The following ZNF25 variants were observed in gnomAD, a reference collection of about 807,000 sequenced individuals.
ZNF25 encodes zinc finger protein 25 (KOX 19).
Under a neutral mutation model 30.9 loss-of-function variants are expected in ZNF25, and 21 were observed. The observed-to-expected ratio is 0.68, with a 90% CI of 0.48 to 0.98. ZNF25 has a LOEUF of 0.98. Among genes scored for constraint, ZNF25 ranks in the 50% least tolerant of loss-of-function variants. ZNF25 has a pLI of 0.00. For missense variants in ZNF25, 501 were observed against 529.9 expected, an observed-to-expected ratio of 0.95 and a Z score of 0.54; for synonymous variants, 169 against 181.3, an observed-to-expected ratio of 0.93 and a Z score of 0.55.
In ZNF25 at chr10:37,952,103, G is replaced by T; in HGVS notation, c.*24C>A. 1 of 1,528,520 alleles carries T rather than the reference G, an allele frequency of 6.5e-7. No homozygotes were observed. The highest frequency in any genetic ancestry group is 1.3e-5 in the South Asian group (1 of 76,670). The allele number at this position is 1,528,520 out of a possible 1,614,324, so 94.7% of individuals were successfully genotyped here. On this transcript the variant is annotated 3_prime_UTR_variant, in exon 6 of 6. Transcript: ENST00000302609. ...CTGATTGTTTTGAAGGATTAATTCA[G>T]TCAAGAGAATTTCCCAACTCATCTT...
intron 4 of ZNF25, among the ~76,000 whole-genome samples, chr10:37,954,184 T>C (rs1231414916): frequency 6.6e-6 from 1 of 152,176 alleles, no homozygotes; most frequent in Non-Finnish European, 1.5e-5. Flanking sequence ...ATGGAAAAGA[T>C]TAAACTGAAA....
chr10:37,960,496 C>T (rs1051741883), intron 2 of ZNF25, among the ~76,000 whole-genome samples: 6 of 150,420 alleles, frequency 4.0e-5, no homozygotes, highest in South Asian at 2.1e-4. Context: ...TGGTGATGGG[C>T]GCCTGTAATC....
At chr10:37,966,911 T>G (rs2063218504) in intron 2 of ZNF25, among the ~76,000 whole-genome samples, 1 of 152,180 alleles carries the variant, frequency 6.6e-6, no homozygotes, top group African/African-American at 2.4e-5. Flanking sequence ...TGAATGGATA[T>G]TAAAAACATG....
intron 4 of ZNF25, among the ~76,000 whole-genome samples, chr10:37,954,841 C>T (rs1252307030): frequency 6.6e-6 from 1 of 152,152 alleles, no homozygotes; most frequent in African/African-American, 2.4e-5. Flanking sequence ...GACGTTAACT[C>T]AGGAACACAT....
intron 4 of ZNF25, among the ~76,000 whole-genome samples, 192 bp downstream of exon 4, chr10:37,956,828 T>C (rs953394714): frequency 6.6e-6 from 1 of 151,332 alleles, no homozygotes; most frequent in South Asian, 2.1e-4. Flanking sequence ...GGGAGGAGAA[T>C]TGCTTGAACC....
chr10:37,973,587 C>A (rs1272163146), intron 1 of ZNF25, among the ~76,000 whole-genome samples: 12 of 127,252 alleles, frequency 9.4e-5, no homozygotes, highest in Admixed American at 8.0e-4. Context: ...CCAAACTGAG[C>A]CCTTGTCTCA....
intron 2 of ZNF25, among the ~76,000 whole-genome samples, chr10:37,964,346 C>G (rs1044935728): frequency 6.6e-5 from 10 of 152,108 alleles, no homozygotes; most frequent in Non-Finnish European, 1.3e-4. Flanking sequence ...TTGGAGGGCT[C>G]AGAAGAAGAC....
intron 2 of ZNF25, among the ~76,000 whole-genome samples, chr10:37,966,190 G>A (rs2135405930): frequency 1.3e-5 from 2 of 152,228 alleles, no homozygotes; most frequent in East Asian, 3.9e-4. Flanking sequence ...AGGCTGAGGT[G>A]AGCACATCAC....
chr10:37,965,920 A>G (rs539456070), intron 2 of ZNF25, among the ~76,000 whole-genome samples: 3 of 152,226 alleles, frequency 2.0e-5, no homozygotes, highest in African/African-American at 7.2e-5. Context: ...AGCAATTTGT[A>G]TACACTACTG....
rs1474893427 is a variant in ZNF25, at chr10:37,952,816, T to C, written c.682A>G (p.Lys228Glu). The part of the protein sequence containing the change: ...TEHQKTHTGE[K>E]PFECTECGKF... ...CCACATTCAGTACATTCAAAAGGTT[T>C]CTCCCCTGTGTGTGTTTTCTGATGT... Residue 228 changes from lysine to glutamate, a missense_variant, in exon 6 of 6, where the codon AAA (lysine) becomes GAA (glutamate). By Grantham distance (56) the Lys-to-Glu change is moderately conservative (BLOSUM62 1). Transcript: ENST00000302609. The C allele has an allele frequency of 6.2e-7, 1 of 1,614,186 alleles. No homozygotes were observed. The highest frequency in any genetic ancestry group is 8.5e-7 in the Non-Finnish European group (1 of 1,180,022).
rs4007126 is a variant in ZNF25 at position 37,971,630 on chromosome 10, AACACACACACACACACACAC to A, written c.15+58_15+77del. 1.4e-4 allele frequency: 194 copies of A among 1,389,810 alleles called. No homozygotes were observed. In the East Asian group the frequency reaches 3.3e-3, roughly 24 times the overall value. The allele number at this position is 1,389,810 out of a possible 1,614,324, so 86.1% of individuals were successfully genotyped here. A position where few individuals can be genotyped will look rare whatever the true frequency, so the allele number is the denominator to read the frequency against. ...GGGCTCTCGTTCATAAAACTCATTA[AACACACACACACACACACAC>A]ACACACACACACACACACACACAGT... On this transcript the variant is annotated intron_variant, in intron 2 of 5. Transcript: ENST00000302609.
intron 4 of ZNF25, among the ~76,000 whole-genome samples, chr10:37,954,167 G>C (rs2062366112): frequency 1.3e-5 from 2 of 152,132 alleles, no homozygotes; most frequent in African/African-American, 2.4e-5. Context: ...AGTGTCCCCT[G>C]GAATACATGG....
Position 37,950,807 on chromosome 10 carries a change from A to G in ZNF25, c.*1320T>C, listed in dbSNP as rs1284770217. 1 of 152,198 alleles carries G rather than the reference A, an allele frequency of 6.6e-6. No homozygotes were observed. The highest frequency in any genetic ancestry group is 6.5e-5 in the Admixed American group (1 of 15,270). 9.4% of individuals were successfully genotyped at this position (152,198 alleles called of 1,614,324 possible). A position where few individuals can be genotyped will look rare whatever the true frequency, so the allele number is the denominator to read the frequency against. On this transcript the variant is annotated 3_prime_UTR_variant, in exon 6 of 6. Transcript: ENST00000302609. Reference sequence around the variant, plus strand: ...CGGGGCCCAGGCAGCAGGAGCCCAGAGTCCACACCCTTAACTATGCCATGT... The same window carrying G: ...CGGGGCCCAGGCAGCAGGAGCCCAGGGTCCACACCCTTAACTATGCCATGT...
rs2135267902 is a variant in ZNF25 at position 37,952,088 on chromosome 10, T to C, written c.*39A>G. The C allele has an allele frequency of 3.3e-6, 5 of 1,508,528 alleles. No individual in the cohort carries two copies. Among genetic ancestry groups the C allele is most frequent in the Non-Finnish European group, 4.4e-6 (5 of 1,125,202 alleles). 93.4% of individuals were successfully genotyped at this position (1,508,528 alleles called of 1,614,324 possible). ...TCTTGTGTGAATTATCTGATTGTTT[T>C]GAAGGATTAATTCAGTCAAGAGAAT... On this transcript the variant is annotated 3_prime_UTR_variant, in exon 6 of 6. Transcript: ENST00000302609.
At chr10:37,975,382 T>C (rs572711424) in intron 1 of ZNF25, among the ~76,000 whole-genome samples, 3 of 53,424 alleles carry the variant, frequency 5.6e-5, no homozygotes, top group East Asian at 5.9e-4. Flanking sequence ...ATGTACATTA[T>C]GTACCAAAAA....
intron 2 of ZNF25, 57 bp from the exon 3 acceptor site, chr10:37,957,603 G>C: frequency 6.4e-7 from 1 of 1,564,280 alleles, no homozygotes; most frequent in South Asian, 1.2e-5. Context: ...GCATACCATT[G>C]AAAAGACATG....
rs2062071975 is a variant in ZNF25, at chr10:37,950,204, C to T, written c.*1923G>A. The T allele has an allele frequency of 6.6e-6, 1 of 152,640 alleles. No homozygotes were observed. Among genetic ancestry groups the T allele is most frequent in the Non-Finnish European group, 1.5e-5 (1 of 68,038 alleles). The allele number at this position is 152,640 out of a possible 1,614,324, so 9.5% of individuals were successfully genotyped here. ...GCATGTGGTGTCTGCTACAACTACT[C>T]AACTCTGCTGGGGTAGTGCAAAGAC... is the stretch of plus-strand genomic sequence containing the variant. On this transcript the variant is annotated 3_prime_UTR_variant, in exon 6 of 6. Transcript: ENST00000302609.
intron 5 of ZNF25, chr10:37,953,426 T>C (rs1392957992): frequency 3.3e-6 from 2 of 603,210 alleles, no homozygotes; most frequent in African/African-American, 3.7e-5. Flanking sequence ...GGTCTCTCAA[T>C]TGCCTGCATT....
rs1370288411 is a variant in ZNF25, at chr10:37,950,456, T to C, written c.*1671A>G. On this transcript the variant is annotated 3_prime_UTR_variant, in exon 6 of 6. Coordinates refer to ENST00000302609, the MANE Select transcript of ZNF25 (RefSeq NM_145011.4). ...TGTCATTTGTCAAACCCTGACTTAG[T>C]GTAGTCAGGATCTGCCCCTAAATCA... 2 of 152,520 alleles carry C rather than the reference T, an allele frequency of 1.3e-5. No homozygotes were observed. The highest frequency in any genetic ancestry group is 4.8e-5 in the African/African-American group (2 of 41,426). The allele number at this position is 152,520 out of a possible 1,614,324, so 9.4% of individuals were successfully genotyped here.
Sources: allele counts gnomAD v4.1 joint callset (sites outside exome capture counted in the v4.1 genomes callset), GRCh38; gene constraint gnomAD v4.1.1; transcripts MANE v1.5; gene names NCBI Gene and HGNC (gene_info 2026-07-23, HGNC 2026-07-21).